Variants in CACNA1A observed in about 807,000 individuals in gnomAD.
The protein encoded by CACNA1A is voltage-dependent P/Q-type calcium channel subunit alpha-1A.
A neutral mutation model predicts 262.4 loss-of-function variants in CACNA1A; 57 were observed. That is an observed-to-expected ratio of 0.22 (90% CI 0.18 to 0.27). The LOEUF (loss-of-function observed/expected upper bound fraction) is 0.27. CACNA1A is among the 10% of genes least tolerant of loss of function. CACNA1A has a pLI of 1.00. For synonymous variants in CACNA1A, 1,431 were observed against 1,419.3 expected (o/e 1.01, Z -0.18); for missense variants, 2,526 against 3,562.8 (o/e 0.71, Z 7.41).
chr19:13,462,470 C>G (rs1202436300), intron 1 of CACNA1A, among the ~76,000 whole-genome samples: 5 of 152,190 alleles, frequency 3.3e-5, no homozygotes, highest in Non-Finnish European at 5.9e-5. Flanking sequence ...ACACATACCC[C>G]AATTTCACTC....
intron 3 of CACNA1A, among the ~76,000 whole-genome samples, chr19:13,398,762 G>C (rs913974693): frequency 6.6e-6 from 1 of 152,218 alleles, no homozygotes; most frequent in Non-Finnish European, 1.5e-5. Flanking sequence ...AGGATTCAAC[G>C]TGATCATTCA....
chr19:13,424,458 T>C (rs1409515903), intron 3 of CACNA1A, among the ~76,000 whole-genome samples: 3 of 152,168 alleles, frequency 2.0e-5, no homozygotes, highest in African/African-American at 7.2e-5. Context: ...TTTTTTAACT[T>C]AATTTGTATT....
chr19:13,214,800 G>C lies in CACNA1A; in HGVS notation c.5732-192C>G. The C allele has an allele frequency of 1.7e-6, 1 of 597,602 alleles. No homozygotes were observed. Among genetic ancestry groups the C allele is most frequent in the Non-Finnish European group, 3.0e-6 (1 of 336,086 alleles). 37.0% of individuals were successfully genotyped at this position (597,602 alleles called of 1,614,324 possible). ...TGCTGGAATGACCTTGTGGGCTCTG[G>C]TTTTCGGTGGGGCCAGGACCATGGA... On this transcript the variant is annotated intron_variant, in intron 38 of 46. Coordinates refer to ENST00000360228, the MANE Select transcript of CACNA1A (RefSeq NM_001127222.2). The surrounding 1 kb of genome is among the most constrained non-coding windows in gnomAD (Gnocchi z 4.1).
rs940652824 is a variant in CACNA1A, at chr19:13,369,583, A to G, written c.631+2105T>C. 2.0e-5 allele frequency among the ~76,000 whole-genome samples: 3 copies of G among 152,238 alleles called. No individual in the cohort carries two copies. The East Asian group carries it at 5.8e-4, about 29-fold the overall frequency. On this transcript the variant is annotated intron_variant, in intron 4 of 46. Coordinates refer to ENST00000360228, the MANE Select transcript of CACNA1A (RefSeq NM_001127222.2). The stretch of plus-strand genomic sequence containing the variant: ...ACTGCAATAGTACCTCCCTCATACG[A>G]TTAGATGAGAGAGTTCACACACAGT...
chr19:13,257,321 T>C (rs771912485), intron 28 of CACNA1A, 29 bp downstream of exon 28: 10 of 1,591,676 alleles, frequency 6.3e-6, no homozygotes, highest in Non-Finnish European at 8.6e-6. Context: ...CCCCAGTTTT[T>C]AAAGGACAGA....
intron 1 of CACNA1A, among the ~76,000 whole-genome samples, chr19:13,486,630 G>A (rs1439474830): frequency 6.6e-6 from 1 of 152,126 alleles, no homozygotes; most frequent in African/African-American, 2.4e-5. Context: ...AAAATAATAA[G>A]ATGGTCAAGG....
At chr19:13,477,718 C>G (rs1978724311) in intron 1 of CACNA1A, among the ~76,000 whole-genome samples, 1 of 152,206 alleles carries the variant, frequency 6.6e-6, no homozygotes, top group South Asian at 2.1e-4. Context: ...TCAGTTGTTT[C>G]CTGCCCAAAC....
chr19:13,336,231 C>A (rs1362269593), intron 6 of CACNA1A, among the ~76,000 whole-genome samples: 1 of 152,156 alleles, frequency 6.6e-6, no homozygotes, highest in Admixed American at 6.6e-5. Flanking sequence ...AAACACAAAA[C>A]CTATTGAAAT....
chr19:13,357,397 G>C (rs193199610), intron 6 of CACNA1A, among the ~76,000 whole-genome samples: 77 of 152,236 alleles, frequency 5.1e-4, no homozygotes, highest in Non-Finnish European at 9.1e-4. Context: ...GAGGAAGCCA[G>C]GTATTGCTCC....
chr19:13,477,112 C>T (rs10411263), intron 1 of CACNA1A, among the ~76,000 whole-genome samples: 31,245 of 152,090 alleles, frequency 0.21, 4,322 homozygotes, highest in African/African-American at 0.38. Flanking sequence ...CCACATCTGC[C>T]TCCTCACTGT....
At chr19:13,318,936 T>C (rs1319646758) in intron 10 of CACNA1A, among the ~76,000 whole-genome samples, 1 of 145,582 alleles carries the variant, frequency 6.9e-6, no homozygotes. Flanking sequence ...TTGCCCAGGC[T>C]GGAATGCAGT....
Position 13,208,987 on chromosome 19 carries a change from C to T in CACNA1A, c.6549G>A (p.Met2183Ile), listed in dbSNP as rs1335828021. ...ACGGCAGGTCCCCGGATTGGGTGGT[C>T]ATGCTCAGGTCTGTCCCCAAGCCTG... ...VDTGLGTDLSMTTQSGDLPSK... is the reference protein window; with the variant it reads ...VDTGLGTDLSITTQSGDLPSK... Residue 2183 changes from methionine to isoleucine, a missense_variant, in exon 46 of 47, where the codon ATG (methionine) becomes ATA (isoleucine). Met to Ile is a conservative substitution (Grantham distance 10). Coordinates refer to ENST00000360228, the MANE Select transcript of CACNA1A (RefSeq NM_001127222.2). 5.9e-6 allele frequency: 9 copies of T among 1,537,196 alleles called. No individual in the cohort carries two copies. Among genetic ancestry groups the T allele is most frequent in the Non-Finnish European group, 7.0e-6 (8 of 1,146,906 alleles).
At position 13,275,857 on chromosome 19, in the gene CACNA1A, C is replaced by A; in HGVS notation, c.3982G>T (p.Ala1328Ser). ...CCTTGCGAGGAGACTTACGTGAAGG[C>A]AAAGGCTACCAGGGCCCCACTGACC... ...IVVSGALVAF[A>S]FTGNSKGKDI... is the part of the protein sequence containing the mutation. The change falls in exon 24 of 47, where the codon GCC (alanine) becomes TCC (serine). Residue 1328 changes from alanine (A) to serine (S), a missense_variant. Ala to Ser is a moderately conservative substitution (Grantham distance 99). Coordinates refer to ENST00000360228, the MANE Select transcript of CACNA1A (RefSeq NM_001127222.2). 1 of 1,612,062 alleles carries A rather than the reference C, an allele frequency of 6.2e-7. No homozygotes were observed. Among genetic ancestry groups the A allele is most frequent in the Non-Finnish European group, 8.5e-7 (1 of 1,178,194 alleles).
At chr19:13,455,382 A>C (rs988684771) in intron 1 of CACNA1A, among the ~76,000 whole-genome samples, 170 bp from the exon 2 acceptor site, 1 of 152,164 alleles carries the variant, frequency 6.6e-6, no homozygotes, top group East Asian at 1.9e-4. Flanking sequence ...TGCAGATCTC[A>C]AACCCAGATC....
chr19:13,345,404 T>C (rs1021366287), intron 6 of CACNA1A, among the ~76,000 whole-genome samples: 2 of 152,208 alleles, frequency 1.3e-5, no homozygotes, highest in East Asian at 1.9e-4. Context: ...TAAATAACAA[T>C]GGGCCCAAGA....
chr19:13,346,629 TATATATATATATATATATATATATATATA>T (rs1568556994), intron 6 of CACNA1A, among the ~76,000 whole-genome samples: 1 of 3,818 alleles, frequency 2.6e-4, no homozygotes, highest in African/African-American at 1.0e-3. Context: ...TATATATATA[TATATATATATATATATATATATATATATA>T]TATATATATT....
At chr19:13,365,108 C>G in intron 5 of CACNA1A, 1 of 413,812 alleles carries the variant, frequency 2.4e-6, no homozygotes, top group Non-Finnish European at 4.3e-6. Context: ...TAAACTCTTT[C>G]TCTGCTGGGT....
At chr19:13,422,748 G>A (rs1339576687) in intron 3 of CACNA1A, among the ~76,000 whole-genome samples, 1 of 152,154 alleles carries the variant, frequency 6.6e-6, no homozygotes, top group African/African-American at 2.4e-5. Context: ...CAATGTAACT[G>A]AGCCCCAATA....
chr19:13,382,794 T>C (rs942117716), intron 3 of CACNA1A, among the ~76,000 whole-genome samples: 39 of 152,138 alleles, frequency 2.6e-4, no homozygotes, highest in South Asian at 2.1e-4. Flanking sequence ...CCGGTTTATA[T>C]ATAGCTGCCA....
Sources: allele counts gnomAD v4.1 joint callset (sites outside exome capture counted in the v4.1 genomes callset), GRCh38; gene constraint gnomAD v4.1.1; non-coding constraint Gnocchi (gnomAD v3.1); transcripts MANE v1.5; gene names NCBI Gene and HGNC (gene_info 2026-07-23, HGNC 2026-07-21).